CD163L1: variants seen among roughly 807,000 people sequenced by gnomAD.
CD163L1 encodes scavenger receptor cysteine-rich type 1 protein M160.
Under a neutral mutation model 165.4 loss-of-function variants are expected in CD163L1, and 124 were observed. The ratio of observed to expected loss-of-function variants is 0.75; its 90% CI spans 0.65 to 0.87. The LOEUF is 0.87. Ranked by LOEUF, CD163L1 falls within the 40% of genes least tolerant of loss-of-function variation. The pLI is 0.00. For missense variants in CD163L1, 1,525 were observed against 1,799.9 expected (o/e 0.85, Z 2.76); for synonymous variants, 585 against 662.2 (o/e 0.88, Z 1.79).
rs1403615330 is a variant in CD163L1 at position 7,398,407 on chromosome 12, GT to G, written c.1585del (p.Thr529ProfsTer43). ...AGGTCCTGATGCTTCTTTAAAATAG[GT>G]CATACCAAACACATGCAAAGGCTTT... ...CGKPLHVFGM[T>X]YFKEASGPIW... On this transcript the variant is annotated frameshift_variant, in exon 7 of 20. Transcript: ENST00000313599. LOFTEE classifies it high-confidence loss of function. The surrounding 1 kb of genome is among the most constrained non-coding windows in gnomAD (Gnocchi z 4.5). The G allele has an allele frequency of 2.0e-5, 33 of 1,613,968 alleles. No individual in the cohort carries two copies. The highest frequency in any genetic ancestry group is 2.5e-5 in the Non-Finnish European group (29 of 1,180,026).
intron 2 of CD163L1, among the ~76,000 whole-genome samples, chr12:7,435,676 T>C (rs1421456018): frequency 1.3e-5 from 2 of 151,984 alleles, no homozygotes; most frequent in Non-Finnish European, 2.9e-5. Flanking sequence ...AACATGCACA[T>C]CCCAGAACCT....
At chr12:7,361,629 C>T (rs1354708528) in intron 18 of CD163L1, among the ~76,000 whole-genome samples, 2 of 152,166 alleles carry the variant, frequency 1.3e-5, no homozygotes, top group Non-Finnish European at 2.9e-5. Flanking sequence ...GATTTCCCTT[C>T]CCCTGTCCTC....
At chr12:7,421,169 A>G (rs1948370557) in intron 4 of CD163L1, among the ~76,000 whole-genome samples, 1 of 135,546 alleles carries the variant, frequency 7.4e-6, no homozygotes, top group Admixed American at 8.0e-5. Flanking sequence ...ATATATATGT[A>G]TATATGTATA....
chr12:7,420,246 T>C (rs1018221327), intron 4 of CD163L1, among the ~76,000 whole-genome samples: 3 of 151,880 alleles, frequency 2.0e-5, no homozygotes, highest in Non-Finnish European at 4.4e-5. Context: ...CCCGAAACCG[T>C]AAAAATTCTA....
At chr12:7,384,060 T>C (rs1270462391) in intron 8 of CD163L1, among the ~76,000 whole-genome samples, 2 of 151,590 alleles carry the variant, frequency 1.3e-5, no homozygotes, top group South Asian at 2.1e-4. Flanking sequence ...AGATAAATAA[T>C]ACAAATAAAT....
At chr12:7,429,791 C>T (rs981301558) in intron 4 of CD163L1, among the ~76,000 whole-genome samples, 1 of 152,116 alleles carries the variant, frequency 6.6e-6, no homozygotes, top group African/African-American at 2.4e-5. Flanking sequence ...CTCTCAAAAG[C>T]TATTCTTCAT....
In CD163L1 at chr12:7,379,129, G is replaced by A. The variant is rs147841624; in HGVS notation, c.2220C>T (p.Ser740=). 1.9e-6 allele frequency: 3 copies of A among 1,614,116 alleles called. No individual in the cohort carries two copies. The highest frequency in any genetic ancestry group is 2.5e-6 in the Non-Finnish European group (3 of 1,180,018). The change falls in exon 9 of 20, where the codon TCC becomes TCT. Residue 740 remains serine (S), a synonymous_variant. Transcript: ENST00000313599. ...TTCTTTCTGTGAAATGAGGCTCTCT[G>A]GAGACCCTGATTGCAGACCCACATT... is the stretch of plus-strand genomic sequence containing the variant. ...QLECGSAIRV[S]REPHFTERTL...
In CD163L1 at chr12:7,417,236, G is replaced by A. The variant is rs188226558; in HGVS notation, c.767-10384C>T. On this transcript the variant is annotated intron_variant, in intron 4 of 19. Transcript: ENST00000313599. ...TCTGTTTGTCTATTATTGGTGTACA[G>A]GAATGCTTGTGATTTTTGCACATTG... Among the ~76,000 whole-genome samples, 3 of 152,138 alleles carry A rather than the reference G, an allele frequency of 2.0e-5. 1 individual carries two copies. The highest frequency in any genetic ancestry group is 7.2e-5 in the African/African-American group (3 of 41,524).
chr12:7,440,254 G>A (rs1417504627), intron 2 of CD163L1, among the ~76,000 whole-genome samples: 1 of 151,916 alleles, frequency 6.6e-6, no homozygotes, highest in Non-Finnish European at 1.5e-5. Context: ...AGGCGGCCCC[G>A]CGAAGCTCAG....
chr12:7,421,123 ATATATACGTATATATG>A (rs1948365099), intron 4 of CD163L1, among the ~76,000 whole-genome samples: 3 of 16,728 alleles, frequency 1.8e-4, no homozygotes, highest in Non-Finnish European at 3.4e-4. Flanking sequence ...AAGAAAATGT[ATATATACGTATATATG>A]TATATATGTG....
intron 13 of CD163L1, 102 bp from the exon 14 acceptor site, chr12:7,373,742 C>A: frequency 1.1e-6 from 1 of 941,484 alleles, no homozygotes; most frequent in Non-Finnish European, 1.6e-6. Flanking sequence ...CATTAGGGCT[C>A]ACAATACAAT....
intron 19 of CD163L1, among the ~76,000 whole-genome samples, chr12:7,355,422 T>TAA (rs1219557313): frequency 3.9e-5 from 6 of 152,110 alleles, no homozygotes; most frequent in Admixed American, 2.6e-4. Flanking sequence ...ACACCAAAAT[T>TAA]AAAAAGGAAG....
rs73272420 is a variant in CD163L1, at chr12:7,378,369, C to T, written c.2371+609G>A. Reference sequence around the variant, plus strand: ...CACATAAACACACACACACACCCCACACTGCAGCCAGAGTGCTGTCTTTGA... The same window carrying T: ...CACATAAACACACACACACACCCCATACTGCAGCCAGAGTGCTGTCTTTGA... On this transcript the variant is annotated intron_variant, in intron 9 of 19. Coordinates refer to ENST00000313599, the MANE Select transcript of CD163L1 (RefSeq NM_174941.6). Among the ~76,000 whole-genome samples, 1,287 of 152,208 alleles carry T rather than the reference C, an allele frequency of 8.5e-3. 11 individuals carry two copies. Among genetic ancestry groups the T allele is most frequent in the African/African-American group, 0.03 (1,236 of 41,550 alleles).
chr12:7,364,111 A>T (rs1451806807), intron 18 of CD163L1, among the ~76,000 whole-genome samples: 8 of 152,154 alleles, frequency 5.3e-5, no homozygotes, highest in Admixed American at 5.2e-4. Flanking sequence ...AATTCATTCC[A>T]GGGATGCAAA....
In CD163L1 at chr12:7,372,924, G is replaced by A. The variant is rs1233526563; in HGVS notation, c.3730+396C>T. Among the ~76,000 whole-genome samples the A allele has an allele frequency of 2.0e-5, 3 of 151,958 alleles. No individual in the cohort carries two copies. Among genetic ancestry groups the A allele is most frequent in the Admixed American group, 1.3e-4 (2 of 15,272 alleles). On this transcript the variant is annotated intron_variant, in intron 14 of 19. Coordinates refer to ENST00000313599, the MANE Select transcript of CD163L1 (RefSeq NM_174941.6). This position sits in a 1 kb window ranked among gnomAD's most constrained non-coding sequence, Gnocchi z 4.2. ...ACTTCCCATAGTAAAATGTTCTGCAGGAAAAAATAGAGCTGCTTAATCTCC... is the reference window on the plus strand; with the variant it reads ...ACTTCCCATAGTAAAATGTTCTGCAAGAAAAAATAGAGCTGCTTAATCTCC...
chr12:7,339,129 C>T, the CD163L1 span, among the ~76,000 whole-genome samples: 1 of 152,130 alleles, frequency 6.6e-6, no homozygotes, highest in Non-Finnish European at 1.5e-5. Flanking sequence ...GCTTGCTCTT[C>T]TCTGGTCTCC....
chr12:7,434,905 A>AT lies in CD163L1; in HGVS notation c.125-1212dup, dbSNP rs1245515704. On this transcript the variant is annotated intron_variant, in intron 2 of 19. Coordinates refer to ENST00000313599, the MANE Select transcript of CD163L1 (RefSeq NM_174941.6). ...GTGTGGTCTTGCCTATACTATACTCATAACTAGAAATTTTGGTTTCCTTAT... is the reference window on the plus strand; with the variant it reads ...GTGTGGTCTTGCCTATACTATACTCATTAACTAGAAATTTTGGTTTCCTTAT... Among the ~76,000 whole-genome samples, 8 of 152,294 alleles carry AT rather than the reference A, an allele frequency of 5.3e-5. No homozygotes were observed. The South Asian group carries it at 1.2e-3, about 24-fold the overall frequency.
chr12:7,421,492 C>CATAT (rs769152351), intron 4 of CD163L1, among the ~76,000 whole-genome samples: 1 of 108,906 alleles, frequency 9.2e-6, no homozygotes, highest in African/African-American at 4.6e-5. Context: ...TACATATATA[C>CATAT]ATATATGTAC....
the CD163L1 span, chr12:7,323,105 A>T: frequency 1.2e-6 from 1 of 803,054 alleles, no homozygotes; most frequent in Non-Finnish European, 2.0e-6. Flanking sequence ...GGTTTCAAAT[A>T]ATATATTTCA....
Sources: allele counts gnomAD v4.1 joint callset (sites outside exome capture counted in the v4.1 genomes callset), GRCh38; gene constraint gnomAD v4.1.1; non-coding constraint Gnocchi (gnomAD v3.1); transcripts MANE v1.5; gene names NCBI Gene and HGNC (gene_info 2026-07-23, HGNC 2026-07-21).